Variants in HS3ST5 observed in about 807,000 individuals in gnomAD.
The protein encoded by HS3ST5 is heparan sulfate-glucosamine 3-sulfotransferase 5.
A neutral mutation model predicts 25.4 loss-of-function variants in HS3ST5; 10 were observed. That is an observed-to-expected ratio of 0.39 (90% confidence interval 0.24 to 0.67). The LOEUF is 0.67. HS3ST5 is among the 30% of genes least tolerant of loss of function. HS3ST5 has a pLI of 0.44. For synonymous variants in HS3ST5, 170 were observed against 162.4 expected (o/e 1.05, Z -0.36); for missense variants, 324 against 420.7 (o/e 0.77, Z 2.01).
At chr6:114,150,422 T>C (rs1174413457) in intron 3 of HS3ST5, among the ~76,000 whole-genome samples, 2 of 152,264 alleles carry the variant, frequency 1.3e-5, no homozygotes, top group East Asian at 1.9e-4. Flanking sequence ...AGCAAACGTA[T>C]AGAGGCCCAG....
At chr6:114,262,533 C>T (rs1021794459) in intron 1 of HS3ST5, among the ~76,000 whole-genome samples, 12 of 150,426 alleles carry the variant, frequency 8.0e-5, no homozygotes, top group South Asian at 2.1e-4. Context: ...GTTAACAGTG[C>T]GAGACTCTGT....
chr6:114,103,174 T>C (rs906866685), intron 3 of HS3ST5, among the ~76,000 whole-genome samples: 2 of 152,170 alleles, frequency 1.3e-5, no homozygotes, highest in Non-Finnish European at 1.5e-5. Flanking sequence ...AGGCATGATA[T>C]ACAGAACTTT....
At chr6:114,151,222 G>A (rs1038445069) in intron 3 of HS3ST5, among the ~76,000 whole-genome samples, 16 of 152,100 alleles carry the variant, frequency 1.1e-4, no homozygotes, top group East Asian at 3.9e-4. Flanking sequence ...ATAGCTATCC[G>A]ACACCACGTA....
intron 1 of HS3ST5, among the ~76,000 whole-genome samples, chr6:114,271,113 C>G (rs1239211564): frequency 1.3e-5 from 2 of 152,000 alleles, no homozygotes; most frequent in Non-Finnish European, 2.9e-5. Flanking sequence ...TTTCCATTAA[C>G]TAATAATAGG....
At chr6:114,141,816 C>G (rs1273051865) in intron 3 of HS3ST5, among the ~76,000 whole-genome samples, 2 of 151,522 alleles carry the variant, frequency 1.3e-5, no homozygotes, top group Non-Finnish European at 2.9e-5. Context: ...TTCTCAGCAT[C>G]TTGCCACTTT....
At chr6:114,302,130 T>A (rs765102435) in intron 1 of HS3ST5, among the ~76,000 whole-genome samples, 1 of 152,170 alleles carries the variant, frequency 6.6e-6, no homozygotes, top group Non-Finnish European at 1.5e-5. Flanking sequence ...ACAAACTCAA[T>A]TTTTCAGTTT....
intron 3 of HS3ST5, among the ~76,000 whole-genome samples, chr6:114,099,639 A>G (rs2114817157): frequency 6.6e-6 from 1 of 152,304 alleles, no homozygotes; most frequent in East Asian, 1.9e-4. Flanking sequence ...GCATGGAGGG[A>G]AAGACCATAT....
At chr6:114,071,533 G>A (rs1401176906) in intron 3 of HS3ST5, among the ~76,000 whole-genome samples, 1 of 152,188 alleles carries the variant, frequency 6.6e-6, no homozygotes. Flanking sequence ...AATTCTGTGA[G>A]ATTAAGAAGT....
intron 1 of HS3ST5, among the ~76,000 whole-genome samples, chr6:114,235,982 G>A (rs1306390281): frequency 1.3e-5 from 2 of 152,216 alleles, no homozygotes; most frequent in Non-Finnish European, 2.9e-5. Context: ...AGAAACTTCA[G>A]CTCCTAATGA....
At position 114,313,587 on chromosome 6, in the gene HS3ST5, G is replaced by A. The variant is rs570407022; in HGVS notation, c.-339+28608C>T. ...CTGTATAATTTCATTTAGAAATGAC[G>A]TTCTAGAACAGGCAACACTAATCGA... is the stretch of plus-strand genomic sequence containing the variant. On this transcript the variant is annotated intron_variant, in intron 1 of 4. Coordinates refer to ENST00000312719, the MANE Select transcript of HS3ST5 (RefSeq NM_153612.4). 5.3e-5 allele frequency among the ~76,000 whole-genome samples: 8 copies of A among 152,246 alleles called. No individual in the cohort carries two copies. The South Asian group carries it at 8.3e-4, about 16-fold the overall frequency.
intron 2 of HS3ST5, among the ~76,000 whole-genome samples, chr6:114,224,826 AT>A (rs1267558599): frequency 6.6e-6 from 1 of 151,506 alleles, no homozygotes; most frequent in Non-Finnish European, 1.5e-5. Flanking sequence ...TAATCTCTAT[AT>A]TTATCTTAGA....
chr6:114,202,634 C>T (rs536297393), intron 2 of HS3ST5, among the ~76,000 whole-genome samples: 5 of 152,234 alleles, frequency 3.3e-5, no homozygotes, highest in African/African-American at 9.6e-5. Context: ...TCACAAAATC[C>T]TCTCTTAGGA....
At chr6:114,241,606 T>C (rs1296671182) in intron 1 of HS3ST5, among the ~76,000 whole-genome samples, 1 of 152,214 alleles carries the variant, frequency 6.6e-6, no homozygotes, top group Non-Finnish European at 1.5e-5. Context: ...TAATATCCCT[T>C]TGCTATATTG....
intron 1 of HS3ST5, among the ~76,000 whole-genome samples, chr6:114,328,600 G>T (rs1158130961): frequency 6.6e-6 from 1 of 152,228 alleles, no homozygotes; most frequent in Non-Finnish European, 1.5e-5. Context: ...GCCAAGCTGG[G>T]TGTGCTTTTA....
chr6:114,076,454 C>T (rs1316351528), intron 3 of HS3ST5, among the ~76,000 whole-genome samples: 2 of 152,094 alleles, frequency 1.3e-5, no homozygotes, highest in Non-Finnish European at 2.9e-5. Context: ...TTAATAGCCC[C>T]CAGTTTTAAA....
intron 2 of HS3ST5, among the ~76,000 whole-genome samples, chr6:114,194,304 T>C (rs889447440): frequency 1.3e-5 from 2 of 152,064 alleles, no homozygotes; most frequent in African/African-American, 4.8e-5. Context: ...TAAATAAAAA[T>C]AAAATTCTAA....
At chr6:114,063,742 A>G (rs1304898874) in intron 3 of HS3ST5, among the ~76,000 whole-genome samples, 3 of 152,154 alleles carry the variant, frequency 2.0e-5, no homozygotes, top group South Asian at 2.1e-4. Flanking sequence ...AGTGGTGACT[A>G]TCAGGATGTC....
chr6:114,159,758 AT>A (rs1778852598), intron 3 of HS3ST5, among the ~76,000 whole-genome samples: 1 of 152,206 alleles, frequency 6.6e-6, no homozygotes, highest in Non-Finnish European at 1.5e-5. Flanking sequence ...AGCCTAAGAC[AT>A]TATCAAAAAA....
At chr6:114,175,173 G>A (rs1179167013) in intron 2 of HS3ST5, among the ~76,000 whole-genome samples, 1 of 152,156 alleles carries the variant, frequency 6.6e-6, no homozygotes, top group African/African-American at 2.4e-5. Flanking sequence ...GTAGCTAAAG[G>A]TGTTACTTGA....
Sources: allele counts gnomAD v4.1 joint callset (sites outside exome capture counted in the v4.1 genomes callset), GRCh38; gene constraint gnomAD v4.1.1; transcripts MANE v1.5; gene names NCBI Gene and HGNC (gene_info 2026-07-23, HGNC 2026-07-21).